Variants in MIPOL1 observed in about 807,000 individuals in gnomAD.
MIPOL1 encodes mirror-image polydactyly 1.
MIPOL1 carries 57 observed loss-of-function variants against 60.9 expected under a neutral mutation model. The observed-to-expected ratio is 0.94, with a 90% confidence interval of 0.76 to 1.17. The LOEUF is 1.17. Ranked by LOEUF, MIPOL1 falls within the 50% of genes most tolerant of loss-of-function variation. MIPOL1 has a pLI of 0.00. For synonymous variants in MIPOL1, 179 were observed against 168.8 expected (o/e 1.06, Z -0.47); for missense variants, 551 against 511.6 (o/e 1.08, Z -0.74).
At chr14:37,438,342 T>C (rs928821010) in intron 11 of MIPOL1, among the ~76,000 whole-genome samples, 2 of 152,224 alleles carry the variant, frequency 1.3e-5, no homozygotes, top group African/African-American at 2.4e-5. Context: ...TTCTGTCTTA[T>C]ATCTTGGAGT....
Position 37,518,216 on chromosome 14 carries a change from G to C in MIPOL1, c.1262+18078G>C, listed in dbSNP as rs371911897. Among the ~76,000 whole-genome samples the C allele has an allele frequency of 2.9e-3, 447 of 152,256 alleles. 2 individuals carry two copies. Among genetic ancestry groups the C allele is most frequent in the African/African-American group, 0.01 (428 of 41,558 alleles). On this transcript the variant is annotated intron_variant, in intron 12 of 12. Transcript: ENST00000684589. ...ATTTTGAAATGATTTTATGTATATT[G>C]TTGGATTGAGCAAATAAAGAAATAA...
chr14:37,380,964 T>C (rs2092908446), intron 10 of MIPOL1, among the ~76,000 whole-genome samples: 1 of 152,154 alleles, frequency 6.6e-6, no homozygotes, highest in African/African-American at 2.4e-5. Flanking sequence ...CACCTGGTCT[T>C]TGTATCCAGC....
At chr14:37,489,193 T>G (rs2153604464) in intron 11 of MIPOL1, among the ~76,000 whole-genome samples, 1 of 152,312 alleles carries the variant, frequency 6.6e-6, no homozygotes, top group South Asian at 2.1e-4. Context: ...TCGTCACACT[T>G]TATTTCATTA....
chr14:37,531,370 C>A (rs1392020509), intron 12 of MIPOL1, among the ~76,000 whole-genome samples: 1 of 151,926 alleles, frequency 6.6e-6, no homozygotes, highest in Non-Finnish European at 1.5e-5. Flanking sequence ...GTTCAATTTC[C>A]TTGAAGCCTT....
At chr14:37,452,713 G>A (rs528358190) in intron 11 of MIPOL1, among the ~76,000 whole-genome samples, 1 of 152,296 alleles carries the variant, frequency 6.6e-6, no homozygotes, top group East Asian at 1.9e-4. Context: ...TGATTAAACA[G>A]AAGAATGGCA....
chr14:37,552,315 A>T (rs1169977270), downstream of MIPOL1: 1 of 152,202 alleles, frequency 6.6e-6, no homozygotes, highest in Non-Finnish European at 1.5e-5. Flanking sequence ...AATTATGTTT[A>T]AGAAAATTTT....
intron 11 of MIPOL1, among the ~76,000 whole-genome samples, chr14:37,458,999 GA>G (rs1277286243): frequency 6.6e-6 from 1 of 151,908 alleles, no homozygotes; most frequent in Non-Finnish European, 1.5e-5. Context: ...CCAAATCTGG[GA>G]TACAGCAAAA....
chr14:37,340,445 T>C (rs1055170916), intron 9 of MIPOL1, among the ~76,000 whole-genome samples: 1 of 152,146 alleles, frequency 6.6e-6, no homozygotes, highest in Non-Finnish European at 1.5e-5. Context: ...GCACAGTGGC[T>C]TACTCCTGTA....
chr14:37,350,793 G>C (rs1387478903), intron 9 of MIPOL1, among the ~76,000 whole-genome samples: 1 of 151,920 alleles, frequency 6.6e-6, no homozygotes, highest in African/African-American at 2.4e-5. Context: ...CAATTGTTTT[G>C]ATTTTTAGAT....
chr14:37,249,931 A>T (rs963946374), intron 3 of MIPOL1, among the ~76,000 whole-genome samples: 11 of 152,208 alleles, frequency 7.2e-5, no homozygotes, highest in Non-Finnish European at 5.9e-5. Context: ...ATCTTTAAGG[A>T]GTCAAAGGAG....
chr14:37,214,295 G>A (rs1967209943), intron 1 of MIPOL1, among the ~76,000 whole-genome samples: 1 of 152,164 alleles, frequency 6.6e-6, no homozygotes. Flanking sequence ...ACCATAAGAT[G>A]TAAATAGAAA....
intron 3 of MIPOL1, among the ~76,000 whole-genome samples, chr14:37,266,130 G>A (rs192601706): frequency 7.4e-4 from 112 of 152,254 alleles, no homozygotes; most frequent in African/African-American, 2.7e-3. Context: ...TTATTGGGAA[G>A]CTTCTGCATC....
At chr14:37,389,859 AAAAC>A in intron 10 of MIPOL1, among the ~76,000 whole-genome samples, 1 of 151,902 alleles carries the variant, frequency 6.6e-6, no homozygotes, top group East Asian at 1.9e-4. Flanking sequence ...TTGGAGATTA[AAAAC>A]AAACAAAAAG....
chr14:37,501,922 C>T (rs1468457364), intron 12 of MIPOL1: 4 of 152,310 alleles, frequency 2.6e-5, no homozygotes, highest in African/African-American at 7.2e-5. Flanking sequence ...ACAGTCTTAC[C>T]AACCTGCAGA....
At chr14:37,539,423 G>C (rs1472134387) in intron 12 of MIPOL1, among the ~76,000 whole-genome samples, 1 of 152,118 alleles carries the variant, frequency 6.6e-6, no homozygotes, top group Non-Finnish European at 1.5e-5. Flanking sequence ...CTCAGTCTAA[G>C]CCCATAGTGA....
intron 11 of MIPOL1, among the ~76,000 whole-genome samples, chr14:37,441,579 T>G (rs1007956159): frequency 8.5e-5 from 13 of 152,146 alleles, no homozygotes; most frequent in Non-Finnish European, 1.9e-4. Flanking sequence ...TCTATTCTGT[T>G]CCATTGATCT....
At chr14:37,335,522 G>A (rs1015686970) in intron 9 of MIPOL1, among the ~76,000 whole-genome samples, 2 of 152,002 alleles carry the variant, frequency 1.3e-5, no homozygotes, top group African/African-American at 4.8e-5. Context: ...TTGTCCTTTT[G>A]TGACTGGCTT....
chr14:37,388,156 A>AT (rs753481990), intron 10 of MIPOL1, among the ~76,000 whole-genome samples: 130 of 151,926 alleles, frequency 8.6e-4, no homozygotes, highest in Non-Finnish European at 1.6e-3. Flanking sequence ...CTTAGAAAGG[A>AT]TAAAAAAAAA....
At chr14:37,325,698 T>C (rs73257967) in intron 9 of MIPOL1, among the ~76,000 whole-genome samples, 1 of 152,048 alleles carries the variant, frequency 6.6e-6, no homozygotes, top group Non-Finnish European at 1.5e-5. Flanking sequence ...TTGAAGGATA[T>C]TTTCACTAGA....
Sources: gnomAD v4.1 joint callset for allele counts (sites outside exome capture counted in the v4.1 genomes callset) on GRCh38, gnomAD v4.1.1 for gene constraint, MANE v1.5 for transcripts, NCBI Gene and HGNC (gene_info 2026-07-23, HGNC 2026-07-21) for gene names.